The following LSAMP variants were observed in gnomAD, a reference collection of about 807,000 sequenced individuals.
LSAMP encodes limbic system associated membrane protein, also known as limbic system-associated membrane protein.
A neutral mutation model predicts 38.6 loss-of-function variants in LSAMP; 7 were observed. The ratio of observed to expected loss-of-function variants is 0.18; its 90% CI spans 0.10 to 0.34. The LOEUF is 0.34. Ranked by LOEUF, LSAMP falls within the 10% of genes least tolerant of loss-of-function variation. LSAMP has a pLI of 1.00. For synonymous variants in LSAMP, 154 were observed against 166.8 expected (o/e 0.92, Z 0.59); for missense variants, 313 against 420.0 (o/e 0.75, Z 2.23).
intron 3 of LSAMP, among the ~76,000 whole-genome samples, chr3:115,852,856 CAAAG>C (rs1935376845): frequency 6.6e-6 from 1 of 152,088 alleles, no homozygotes; most frequent in Non-Finnish European, 1.5e-5. Flanking sequence ...ACTTGGAAGA[CAAAG>C]AAGCCAAGCA....
In LSAMP at chr3:116,306,803, C is replaced by A. The variant is rs1205383873; in HGVS notation, c.155+138074G>T. 2.6e-5 allele frequency among the ~76,000 whole-genome samples: 4 copies of A among 152,048 alleles called. No individual in the cohort carries two copies. The East Asian group carries it at 7.7e-4, about 29-fold the overall frequency. ...AGTGAAAACAGGTTTTATGTCCCAG[C>A]AATAAAGGGGTATAACTATAAAAAT... On this transcript the variant is annotated intron_variant, in intron 1 of 6. Coordinates refer to ENST00000490035, the MANE Select transcript of LSAMP (RefSeq NM_002338.5).
chr3:116,290,246 T>A (rs1384381653), intron 1 of LSAMP, among the ~76,000 whole-genome samples: 1 of 152,210 alleles, frequency 6.6e-6, no homozygotes. Flanking sequence ...TAGGAGACAC[T>A]GTATGTGGTA....
At chr3:115,878,998 G>T (rs1936257309) in intron 3 of LSAMP, among the ~76,000 whole-genome samples, 1 of 152,126 alleles carries the variant, frequency 6.6e-6, no homozygotes, top group South Asian at 2.1e-4. Flanking sequence ...CTCCAAAGCT[G>T]CAGGACACAT....
chr3:116,013,675 C>T (rs531958080), intron 3 of LSAMP, among the ~76,000 whole-genome samples: 1 of 151,842 alleles, frequency 6.6e-6, no homozygotes, highest in Non-Finnish European at 1.5e-5. Flanking sequence ...TAAAATATAG[C>T]AAACATTTTA....
At chr3:116,091,308 CCCA>C (rs1708118220) in intron 1 of LSAMP, among the ~76,000 whole-genome samples, 1 of 152,108 alleles carries the variant, frequency 6.6e-6, no homozygotes, top group Admixed American at 6.5e-5. Flanking sequence ...TTTCAAGGTG[CCCA>C]CATTTCATAT....
chr3:116,217,848 G>A (rs928067284), intron 1 of LSAMP, among the ~76,000 whole-genome samples: 2 of 152,182 alleles, frequency 1.3e-5, no homozygotes, highest in African/African-American at 2.4e-5. Flanking sequence ...GAGGTAGGAG[G>A]TGTAGAGGGG....
chr3:116,119,661 C>CTT lies in LSAMP; in HGVS notation c.156-33107_156-33106dup, dbSNP rs3071059. Among the ~76,000 whole-genome samples the CTT allele has an allele frequency of 3.4e-3, 481 of 140,568 alleles. 4 individuals are homozygous for CTT. The highest frequency in any genetic ancestry group is 0.012 in the African/African-American group (451 of 37,996). The allele number at this position is 140,568 out of a possible 152,430, so 92.2% of individuals were successfully genotyped here. A position where few individuals can be genotyped will look rare whatever the true frequency, so the allele number is the denominator to read the frequency against. ...AAAGAGATAATTTCTTTTTTCTTTTCTTTTTTTTTTTTTTTGAGAAGGAGT... is the reference window on the plus strand; with the variant it reads ...AAAGAGATAATTTCTTTTTTCTTTTCTTTTTTTTTTTTTTTTTGAGAAGGAGT... On this transcript the variant is annotated intron_variant, in intron 1 of 6. Coordinates refer to ENST00000490035, the MANE Select transcript of LSAMP (RefSeq NM_002338.5).
At chr3:116,305,179 G>C (rs1350023164) in intron 1 of LSAMP, among the ~76,000 whole-genome samples, 2 of 152,030 alleles carry the variant, frequency 1.3e-5, no homozygotes, top group Non-Finnish European at 2.9e-5. Flanking sequence ...TTCTACTATA[G>C]TTCCCTCATA....
chr3:116,316,094 C>T (rs2047625345), intron 1 of LSAMP, among the ~76,000 whole-genome samples: 1 of 152,102 alleles, frequency 6.6e-6, no homozygotes, highest in African/African-American at 2.4e-5. Flanking sequence ...GTGAGACATC[C>T]ACAATTCCTG....
intron 1 of LSAMP, among the ~76,000 whole-genome samples, chr3:116,207,167 T>C (rs1221113694): frequency 6.6e-6 from 1 of 151,780 alleles, no homozygotes; most frequent in Admixed American, 6.6e-5. Flanking sequence ...AATGGCCTTC[T>C]TTGTCTCTTT....
Position 116,118,234 on chromosome 3 carries a change from TTTCTC to T in LSAMP, c.156-31683_156-31679del, listed in dbSNP as rs1371887807. On this transcript the variant is annotated intron_variant, in intron 1 of 6. Transcript: ENST00000490035. ...ATGGGAAGGGGACAGTATCTATGGATTTCTCTCACTCTTAAATGTCATTCAAATAA... is the reference window on the plus strand; with the variant it reads ...ATGGGAAGGGGACAGTATCTATGGATTCACTCTTAAATGTCATTCAAATAA... 3.3e-5 allele frequency among the ~76,000 whole-genome samples: 5 copies of T among 152,178 alleles called. 1 individual carries two copies. Among genetic ancestry groups the T allele is most frequent in the African/African-American group, 1.2e-4 (5 of 41,438 alleles).
At chr3:116,197,163 A>ACACACACACACACACACACACACTCTCT (rs1268040540) in intron 1 of LSAMP, among the ~76,000 whole-genome samples, 12 of 139,086 alleles carry the variant, frequency 8.6e-5, no homozygotes, top group African/African-American at 2.8e-4. Flanking sequence ...ACACACACAC[A>ACACACACACACACACACACACACTCTCT]CTCTCTCTCT....
chr3:116,267,433 G>C (rs2046906786), intron 1 of LSAMP, among the ~76,000 whole-genome samples: 1 of 151,998 alleles, frequency 6.6e-6, no homozygotes, highest in Non-Finnish European at 1.5e-5. Flanking sequence ...TACTTCTGCT[G>C]GTGCTGCCTT....
intron 1 of LSAMP, among the ~76,000 whole-genome samples, chr3:116,259,423 G>A (rs537121689): frequency 3.3e-4 from 50 of 152,070 alleles, no homozygotes; most frequent in African/African-American, 1.1e-3. Context: ...AATTTAGACC[G>A]GTTCATTTTC....
At chr3:115,881,447 T>A (rs1449051477) in intron 3 of LSAMP, among the ~76,000 whole-genome samples, 1 of 152,202 alleles carries the variant, frequency 6.6e-6, no homozygotes, top group Admixed American at 6.6e-5. Context: ...TGCATTGTTT[T>A]CAGCCTTGCA....
chr3:116,370,667 T>C (rs2097351670), intron 1 of LSAMP, among the ~76,000 whole-genome samples: 1 of 152,168 alleles, frequency 6.6e-6, no homozygotes, highest in Admixed American at 6.5e-5. Context: ...GATCACTGAC[T>C]GCTGCTTGCA....
intron 1 of LSAMP, among the ~76,000 whole-genome samples, chr3:116,114,104 C>A (rs958943364): frequency 6.6e-6 from 1 of 152,138 alleles, no homozygotes; most frequent in Non-Finnish European, 1.5e-5. Flanking sequence ...GCTAACCAAC[C>A]AAAGGACCCC....
chr3:116,043,869 C>T (rs1299716122), intron 2 of LSAMP, among the ~76,000 whole-genome samples: 3 of 152,208 alleles, frequency 2.0e-5, no homozygotes, highest in East Asian at 1.9e-4. Context: ...TGGCGTGAAC[C>T]GGTCAGGCGG....
At chr3:116,001,027 A>C (rs1431266156) in intron 3 of LSAMP, among the ~76,000 whole-genome samples, 1 of 152,180 alleles carries the variant, frequency 6.6e-6, no homozygotes, top group African/African-American at 2.4e-5. Flanking sequence ...AAGGCACTAT[A>C]TCATAGTAAA....
Sources: allele counts gnomAD v4.1 joint callset (sites outside exome capture counted in the v4.1 genomes callset), GRCh38; gene constraint gnomAD v4.1.1; transcripts MANE v1.5; gene names NCBI Gene and HGNC (gene_info 2026-07-23, HGNC 2026-07-21).